Variants in ZSWIM6 observed in about 807,000 individuals in gnomAD.
ZSWIM6 encodes the protein zinc finger SWIM-type containing 6, also known as zinc finger SWIM domain-containing protein 6.
In ZSWIM6, 9 loss-of-function variants were observed where a neutral mutation model predicts 113.2. The observed-to-expected ratio is 0.08, with a 90% CI of 0.05 to 0.14. The LOEUF (loss-of-function observed/expected upper bound fraction) is 0.14. Ranked by LOEUF, ZSWIM6 falls within the 10% of genes least tolerant of loss-of-function variation. The pLI, the probability that ZSWIM6 is intolerant of heterozygous loss-of-function variation, is 1.00. For missense variants in ZSWIM6, 1,162 were observed against 1,552.2 expected, an observed-to-expected ratio of 0.75 and a Z score of 4.22; for synonymous variants, 611 against 606.5, an observed-to-expected ratio of 1.01 and a Z score of -0.11.
Position 61,545,807 on chromosome 5 carries a change from G to C in ZSWIM6, c.*1490G>C, listed in dbSNP as rs1749872867. On this transcript the variant is annotated 3_prime_UTR_variant, in exon 14 of 14. Transcript: ENST00000252744. ...TTATTAAATACCAACTTTGGTTACAGTATAGTGTCTTTACTTTAGCTGATG... is the reference window on the plus strand; with the variant it reads ...TTATTAAATACCAACTTTGGTTACACTATAGTGTCTTTACTTTAGCTGATG... 1.3e-5 allele frequency: 2 copies of C among 152,194 alleles called. No individual in the cohort carries two copies. The highest frequency in any genetic ancestry group is 1.3e-4 in the Admixed American group (2 of 15,282). 9.4% of individuals were successfully genotyped at this position (152,194 alleles called of 1,614,324 possible).
chr5:61,504,941 A>C (rs1343308706), intron 4 of ZSWIM6, among the ~76,000 whole-genome samples: 1 of 152,220 alleles, frequency 6.6e-6, no homozygotes, highest in Non-Finnish European at 1.5e-5. Context: ...GCAACCCTGG[A>C]CAGCTTAAGA....
At chr5:61,427,997 T>A (rs1392505618) in intron 1 of ZSWIM6, among the ~76,000 whole-genome samples, 1 of 152,176 alleles carries the variant, frequency 6.6e-6, no homozygotes, top group Non-Finnish European at 1.5e-5. Flanking sequence ...GAATCCGTTT[T>A]CCAGCTACTG....
intron 1 of ZSWIM6, among the ~76,000 whole-genome samples, chr5:61,444,319 T>A (rs1746902655): frequency 6.6e-6 from 1 of 152,088 alleles, no homozygotes; most frequent in Admixed American, 6.6e-5. Context: ...GGTGTATATG[T>A]GCCACATTTT....
At chr5:61,514,525 A>G (rs1416588498) in intron 4 of ZSWIM6, among the ~76,000 whole-genome samples, 5 of 152,016 alleles carry the variant, frequency 3.3e-5, no homozygotes, top group Non-Finnish European at 2.9e-5. Flanking sequence ...GATGCCCTTT[A>G]TCAGGTTAAG....
intron 1 of ZSWIM6, among the ~76,000 whole-genome samples, chr5:61,372,016 T>A (rs1260787465): frequency 6.6e-6 from 1 of 152,060 alleles, no homozygotes; most frequent in Non-Finnish European, 1.5e-5. Context: ...GAAGAGATTT[T>A]TTTTTTTTGT....
chr5:61,385,222 C>T (rs1745570268), intron 1 of ZSWIM6, among the ~76,000 whole-genome samples: 2 of 152,186 alleles, frequency 1.3e-5, no homozygotes, highest in Non-Finnish European at 2.9e-5. Flanking sequence ...GGTATATTCT[C>T]TTCAAGAAGA....
At chr5:61,344,632 C>G (rs1744617287) in intron 1 of ZSWIM6, among the ~76,000 whole-genome samples, 1 of 152,162 alleles carries the variant, frequency 6.6e-6, no homozygotes, top group Admixed American at 6.5e-5. Flanking sequence ...TTCCATTTCC[C>G]TCATTCCCTC....
At chr5:61,488,978 A>G (rs992377578) in intron 2 of ZSWIM6, among the ~76,000 whole-genome samples, 1 of 151,976 alleles carries the variant, frequency 6.6e-6, no homozygotes, top group Non-Finnish European at 1.5e-5. Flanking sequence ...ATTCCCATTC[A>G]TTACTCTCAG....
intron 1 of ZSWIM6, among the ~76,000 whole-genome samples, chr5:61,420,125 CA>C (rs1489814897): frequency 6.6e-6 from 1 of 152,224 alleles, no homozygotes; most frequent in Non-Finnish European, 1.5e-5. Context: ...GAACACCAAA[CA>C]TTTTAATTTG....
At chr5:61,379,476 A>G (rs150364937) in intron 1 of ZSWIM6, among the ~76,000 whole-genome samples, 1 of 152,132 alleles carries the variant, frequency 6.6e-6, no homozygotes, top group African/African-American at 2.4e-5. Context: ...CGAGTAATCC[A>G]TTGCCTTTTA....
chr5:61,411,022 GGCA>G (rs901613528), intron 1 of ZSWIM6, among the ~76,000 whole-genome samples: 1 of 152,162 alleles, frequency 6.6e-6, no homozygotes, highest in African/African-American at 2.4e-5. Flanking sequence ...GCTTGGAAAG[GGCA>G]GCAGAAGAAA....
At chr5:61,378,004 T>G (rs1198399495) in intron 1 of ZSWIM6, among the ~76,000 whole-genome samples, 1 of 152,176 alleles carries the variant, frequency 6.6e-6, no homozygotes, top group East Asian at 1.9e-4. Context: ...AAATAAAAAT[T>G]TAGCAAATTG....
intron 1 of ZSWIM6, among the ~76,000 whole-genome samples, chr5:61,376,167 A>G (rs1175090974): frequency 5.2e-5 from 4 of 77,608 alleles, no homozygotes; most frequent in African/African-American, 2.1e-4. Flanking sequence ...GGATAAACCA[A>G]CAGAAATTGA....
At chr5:61,517,778 A>ATTTAT (rs972739075) in intron 4 of ZSWIM6, among the ~76,000 whole-genome samples, 59 of 147,756 alleles carry the variant, frequency 4.0e-4, no homozygotes, top group African/African-American at 1.3e-3. Flanking sequence ...TAATTATTTA[A>ATTTAT]TTATTTATTT....
chr5:61,542,034 CAT>C (rs765568385), intron 13 of ZSWIM6, 69 bp downstream of exon 13: 4 of 1,351,680 alleles, frequency 3.0e-6, no homozygotes, highest in Non-Finnish European at 3.1e-6. Context: ...CAGTTACAGA[CAT>C]GTGAACATAT....
At position 61,369,769 on chromosome 5, in the gene ZSWIM6, A is replaced by G. The variant is rs186786959; in HGVS notation, c.676+36821A>G. ...TGCGAAAATAAAATGCATCCCTGCC[A>G]TACCTCAGAAACTGTCAGTCTAGTA... is the stretch of plus-strand genomic sequence containing the variant. On this transcript the variant is annotated intron_variant, in intron 1 of 13. Coordinates refer to ENST00000252744, the MANE Select transcript of ZSWIM6 (RefSeq NM_020928.2). Among the ~76,000 whole-genome samples the G allele has an allele frequency of 3.9e-3, 594 of 152,276 alleles. 2 individuals are homozygous for G. Among genetic ancestry groups the G allele is most frequent in the Non-Finnish European group, 5.6e-3 (381 of 68,004 alleles).
At chr5:61,446,432 T>C (rs1048376107) in intron 1 of ZSWIM6, among the ~76,000 whole-genome samples, 2 of 152,232 alleles carry the variant, frequency 1.3e-5, no homozygotes, top group Admixed American at 6.5e-5. Context: ...ATTAAATACA[T>C]TGGGCATTTT....
At position 61,530,216 on chromosome 5, in the gene ZSWIM6, T is replaced by C; in HGVS notation, c.1984+18T>C. 1 of 1,538,660 alleles carries C rather than the reference T, an allele frequency of 6.5e-7. No individual in the cohort carries two copies. Among genetic ancestry groups the C allele is most frequent in the Non-Finnish European group, 8.8e-7 (1 of 1,139,162 alleles). On this transcript the variant is annotated intron_variant, in intron 8 of 13. Transcript: ENST00000252744. ...TTTTACAGGTAAAACCATTGACATT[T>C]GTCTCATGTGCTTTTCTTTTTCTAA...
intron 1 of ZSWIM6, among the ~76,000 whole-genome samples, chr5:61,453,299 T>C (rs550919217): frequency 1.1e-3 from 166 of 152,248 alleles, no homozygotes; most frequent in African/African-American, 3.8e-3. Flanking sequence ...TAAATCTAGC[T>C]ACTTAACATA....
Sources: allele counts gnomAD v4.1 joint callset (sites outside exome capture counted in the v4.1 genomes callset), GRCh38; gene constraint gnomAD v4.1.1; transcripts MANE v1.5; gene names NCBI Gene and HGNC (gene_info 2026-07-23, HGNC 2026-07-21).